Variants in RFC3 observed in about 807,000 individuals in gnomAD.
The protein encoded by RFC3 is A1 38 kDa subunit.
RFC3 carries 41 observed loss-of-function variants against 45.1 expected under a neutral mutation model. The observed-to-expected ratio is 0.91, with a 90% CI of 0.71 to 1.18. The LOEUF (loss-of-function observed/expected upper bound fraction) is 1.18, where lower values mean the gene tolerates loss of function less well. Ranked by LOEUF, RFC3 falls within the 50% of genes most tolerant of loss-of-function variation. RFC3 has a pLI of 0.00. For synonymous variants in RFC3, 149 were observed against 144.0 expected (o/e 1.03, Z -0.25); for missense variants, 423 against 428.1 (o/e 0.99, Z 0.10).
chr13:33,908,178 C>A (rs949528063), intron 8 of RFC3, among the ~76,000 whole-genome samples: 1 of 151,826 alleles, frequency 6.6e-6, no homozygotes, highest in Non-Finnish European at 1.5e-5. Flanking sequence ...AAAAAAAACA[C>A]ACACACACAG....
chr13:33,947,926 C>T (rs757887185), intron 8 of RFC3, among the ~76,000 whole-genome samples: 1 of 152,130 alleles, frequency 6.6e-6, no homozygotes, highest in Non-Finnish European at 1.5e-5. Flanking sequence ...GGAAGCAGAG[C>T]ATAAATGTTT....
chr13:33,948,288 G>T (rs778444839), intron 8 of RFC3, among the ~76,000 whole-genome samples: 2 of 152,232 alleles, frequency 1.3e-5, no homozygotes, highest in African/African-American at 2.4e-5. Flanking sequence ...TTAAGCCTTG[G>T]TGGCTTACCT....
chr13:33,861,825 T>C (rs1220171640), intron 8 of RFC3, among the ~76,000 whole-genome samples: 1 of 152,188 alleles, frequency 6.6e-6, no homozygotes, highest in African/African-American at 2.4e-5. Context: ...CATACCAAAG[T>C]ACTGCAACCA....
At chr13:33,971,036 T>C (rs2083107377), downstream of RFC3, among the ~76,000 whole-genome samples, 2 of 151,888 alleles carry the variant, frequency 1.3e-5, no homozygotes, top group African/African-American at 2.4e-5. Flanking sequence ...AGATGATCTT[T>C]CCCCTTTTTT....
intron 8 of RFC3, among the ~76,000 whole-genome samples, chr13:33,885,808 T>A (rs888234869): frequency 7.2e-5 from 11 of 152,218 alleles, no homozygotes; most frequent in Non-Finnish European, 1.6e-4. Flanking sequence ...CTTTAAATAG[T>A]CTGGAGTCAC....
chr13:33,894,586 A>C (rs1187514512), intron 8 of RFC3, among the ~76,000 whole-genome samples: 1 of 152,084 alleles, frequency 6.6e-6, no homozygotes, highest in Non-Finnish European at 1.5e-5. Context: ...GCTGACTGGG[A>C]GGAGTGTGGC....
At chr13:33,883,266 C>T (rs2082497116) in intron 8 of RFC3, among the ~76,000 whole-genome samples, 1 of 152,112 alleles carries the variant, frequency 6.6e-6, no homozygotes, top group Admixed American at 6.5e-5. Flanking sequence ...GCAGTCCAAT[C>T]CAGGAGAGAA....
chr13:33,955,517 C>A (rs940972077), intron 8 of RFC3, among the ~76,000 whole-genome samples: 34 of 152,244 alleles, frequency 2.2e-4, no homozygotes, highest in African/African-American at 7.9e-4. Flanking sequence ...CTTTTATTCA[C>A]CTTGACTATA....
At chr13:33,945,411 A>C (rs2082948742) in intron 8 of RFC3, among the ~76,000 whole-genome samples, 1 of 152,196 alleles carries the variant, frequency 6.6e-6, no homozygotes, top group South Asian at 2.1e-4. Flanking sequence ...TATATATAGA[A>C]AAAAACACAA....
At chr13:33,933,951 G>A (rs1006483364) in intron 8 of RFC3, among the ~76,000 whole-genome samples, 8 of 151,866 alleles carry the variant, frequency 5.3e-5, no homozygotes, top group East Asian at 1.9e-4. Flanking sequence ...GGGGGAGGGC[G>A]AGACTGGCAG....
rs2082318387 is a variant in RFC3 at position 33,858,050 on chromosome 13, A to G, written c.879+22833A>G. On this transcript the variant is annotated intron_variant, in intron 8 of 8. Coordinates refer to the RFC3 transcript ENST00000434425. ...TTTATCAAGATACTAACATGAGTTG[A>G]CAGTTCCTGAGGATAATTTCTATAT... is the stretch of plus-strand genomic sequence containing the variant. 4.6e-5 allele frequency among the ~76,000 whole-genome samples: 7 copies of G among 152,334 alleles called. No homozygotes were observed. The South Asian group carries it at 1.4e-3, about 32-fold the overall frequency.
chr13:33,891,436 A>C (rs1231915663), intron 8 of RFC3, among the ~76,000 whole-genome samples: 1 of 152,216 alleles, frequency 6.6e-6, no homozygotes, highest in African/African-American at 2.4e-5. Flanking sequence ...TAACCTTCAC[A>C]TGGATGCTTA....
chr13:33,950,386 T>C (rs941972809), intron 8 of RFC3, among the ~76,000 whole-genome samples: 1 of 152,124 alleles, frequency 6.6e-6, no homozygotes, highest in Non-Finnish European at 1.5e-5. Flanking sequence ...AGTAAAAATA[T>C]CGATATAATG....
intron 8 of RFC3, among the ~76,000 whole-genome samples, chr13:33,876,429 T>G (rs904006230): frequency 6.6e-6 from 1 of 152,214 alleles, no homozygotes; most frequent in Non-Finnish European, 1.5e-5. Flanking sequence ...TGAATTTGAG[T>G]GGTTGTATGA....
chr13:33,914,162 TC>T (rs2082719531), intron 8 of RFC3, among the ~76,000 whole-genome samples: 1 of 144,430 alleles, frequency 6.9e-6, no homozygotes, highest in African/African-American at 2.7e-5. Context: ...GAAAAGAGCA[TC>T]TTATTTCTAC....
At chr13:33,904,288 G>A (rs898720354) in intron 8 of RFC3, among the ~76,000 whole-genome samples, 2 of 151,898 alleles carry the variant, frequency 1.3e-5, no homozygotes, top group Admixed American at 6.6e-5. Flanking sequence ...CAGTTGTTCT[G>A]CCTGACTTTC....
At chr13:33,848,065 C>T (rs2082251235) in intron 8 of RFC3, 1 of 152,198 alleles carries the variant, frequency 6.6e-6, no homozygotes, top group Non-Finnish European at 1.5e-5. Context: ...CTGTTAACTC[C>T]ATTTATATGA....
At chr13:33,874,506 A>G (rs1259746103) in intron 8 of RFC3, among the ~76,000 whole-genome samples, 1 of 152,072 alleles carries the variant, frequency 6.6e-6, no homozygotes, top group Non-Finnish European at 1.5e-5. Context: ...TTTATTGGAG[A>G]CGGGGTTTCA....
chr13:33,829,825 CTT>C lies in RFC3; in HGVS notation c.392-9_392-8del, dbSNP rs1325012344. 2 of 1,611,814 alleles carry C rather than the reference CTT, an allele frequency of 1.2e-6. No homozygotes were observed. Among genetic ancestry groups the C allele is most frequent in the Non-Finnish European group, 1.7e-6 (2 of 1,177,960 alleles). ...TCAAGTTAAAGTTTGTTTTGTTTCT[CTT>C]TGACTCAGTGGTATTATTGACAGAA... On this transcript the variant is annotated splice_polypyrimidine_tract_variant and intron_variant, in intron 4 of 8. Transcript: ENST00000380071.
Sources: allele counts gnomAD v4.1 joint callset (sites outside exome capture counted in the v4.1 genomes callset), GRCh38; gene constraint gnomAD v4.1.1; transcripts MANE v1.5; gene names NCBI Gene and HGNC (gene_info 2026-07-23, HGNC 2026-07-21).